LRRC9: variants seen among roughly 807,000 people sequenced by gnomAD.
LRRC9 encodes the protein leucine rich repeat containing 9, also known as leucine-rich repeat-containing protein 9.
Under a neutral mutation model 63.2 loss-of-function variants are expected in LRRC9, and 122 were observed. That is an observed-to-expected ratio of 1.93 (90% CI 1.67 to 2.24). LRRC9 has a LOEUF of 2.24. Ranked by LOEUF, LRRC9 falls within the 30% of genes most tolerant of loss-of-function variation. The pLI, the probability that LRRC9 is intolerant of heterozygous loss-of-function variation, is 0.00. For synonymous variants in LRRC9, 366 were observed against 213.1 expected (o/e 1.72, Z -6.25); for missense variants, 1,071 against 627.7 (o/e 1.71, Z -7.55).
At chr14:60,038,484 C>A (rs919145598) in intron 29 of LRRC9, among the ~76,000 whole-genome samples, 7 of 152,132 alleles carry the variant, frequency 4.6e-5, no homozygotes, top group Non-Finnish European at 1.0e-4. Flanking sequence ...GCCTTCACAT[C>A]CCTTGTAAGT....
intron 8 of LRRC9, among the ~76,000 whole-genome samples, chr14:59,957,123 G>A (rs1237862332): frequency 6.6e-6 from 1 of 152,126 alleles, no homozygotes; most frequent in Non-Finnish European, 1.5e-5. Context: ...CTCTTCTCGA[G>A]GAGTATCTTA....
At chr14:59,968,964 T>A (rs904867902) in intron 12 of LRRC9, among the ~76,000 whole-genome samples, 10 of 106,756 alleles carry the variant, frequency 9.4e-5, no homozygotes, top group Non-Finnish European at 1.6e-4. Context: ...TTTTAAAGAC[T>A]GAGTATGGAA....
Position 59,927,942 on chromosome 14 carries a change from A to G in LRRC9, c.-2A>G. On this transcript the variant is annotated 5_prime_UTR_variant, in exon 2 of 32. Coordinates refer to ENST00000445360, the Ensembl canonical transcript of LRRC9. This position sits in a 1 kb window ranked among gnomAD's most constrained non-coding sequence, Gnocchi z 4.4. ...TATTATGATCACTGTTTTTAATGGAAGATGATTGAAAGTGAAAACCTAAAC... is the reference window on the plus strand; with the variant it reads ...TATTATGATCACTGTTTTTAATGGAGGATGATTGAAAGTGAAAACCTAAAC... 1 of 678,338 alleles carries G rather than the reference A, an allele frequency of 1.5e-6. No individual in the cohort carries two copies. Among genetic ancestry groups the G allele is most frequent in the Non-Finnish European group, 2.7e-6 (1 of 375,492 alleles). The allele number at this position is 678,338 out of a possible 1,614,324, so 42.0% of individuals were successfully genotyped here.
At chr14:60,022,815 T>C (rs889922216) in exon 27 of LRRC9, 4 of 687,244 alleles carry the variant, frequency 5.8e-6, no homozygotes, top group African/African-American at 3.5e-5. Flanking sequence ...GAATTTGTAA[T>C]TTGATCCAGC....
At chr14:59,959,180 C>G (rs1594875286) in intron 8 of LRRC9, among the ~76,000 whole-genome samples, 1 of 152,076 alleles carries the variant, frequency 6.6e-6, no homozygotes, top group East Asian at 1.9e-4. Context: ...CTTAAGTAAT[C>G]AAGATAAATA....
chr14:60,008,023 G>T, intron 22 of LRRC9, 69 bp from the exon 23 acceptor site: 1 of 489,842 alleles, frequency 2.0e-6, no homozygotes, highest in South Asian at 3.6e-5. Flanking sequence ...TAAAATTTGA[G>T]GATGGCTAAC....
At chr14:60,026,854 C>G (rs1891595164) in intron 27 of LRRC9, among the ~76,000 whole-genome samples, 1 of 152,012 alleles carries the variant, frequency 6.6e-6, no homozygotes, top group South Asian at 2.1e-4. Flanking sequence ...TTCCCTTGGT[C>G]TATGTGTCTG....
intron 14 of LRRC9, 50 bp from the exon 15 acceptor site, chr14:59,977,967 T>C (rs1180780052): frequency 1.5e-6 from 1 of 670,194 alleles, no homozygotes; most frequent in Non-Finnish European, 2.7e-6. Flanking sequence ...AAAAGTATGT[T>C]TCAATTTGAG....
At chr14:60,021,137 A>G (rs913201113) in intron 26 of LRRC9, among the ~76,000 whole-genome samples, 1 of 151,964 alleles carries the variant, frequency 6.6e-6, no homozygotes, top group Non-Finnish European at 1.5e-5. Context: ...TAATTCCTGC[A>G]CATCTTTGCC....
At chr14:59,996,678 A>G (rs544611364) in intron 17 of LRRC9, among the ~76,000 whole-genome samples, 4 of 152,230 alleles carry the variant, frequency 2.6e-5, no homozygotes, top group Non-Finnish European at 1.5e-5. Flanking sequence ...AGGCAGGTGG[A>G]TCAGTGAGTA....
chr14:59,961,906 C>T (rs917894606), intron 10 of LRRC9, among the ~76,000 whole-genome samples: 2 of 152,174 alleles, frequency 1.3e-5, no homozygotes, highest in African/African-American at 4.8e-5. Context: ...CATGGAAATA[C>T]ACCAGGAGAC....
In LRRC9 at chr14:60,042,847, T is replaced by C. The variant is rs1249945368; in HGVS notation, c.3991-10218T>C. Among the ~76,000 whole-genome samples, 1 of 152,236 alleles carries C rather than the reference T, an allele frequency of 6.6e-6. No individual in the cohort carries two copies. Among genetic ancestry groups the C allele is most frequent in the African/African-American group, 2.4e-5 (1 of 41,466 alleles). ...GTCGCTCACACTGGGAGCTGTAGAC[T>C]GGAGCTGTTCCTATTAGGCCATCTT... On this transcript the variant is annotated intron_variant, in intron 29 of 31. Coordinates refer to ENST00000445360, the Ensembl canonical transcript of LRRC9. This position sits in a 1 kb window ranked among gnomAD's most constrained non-coding sequence, Gnocchi z 4.2.
chr14:59,931,773 G>A (rs930347408), intron 5 of LRRC9, 91 bp downstream of exon 5: 2 of 613,830 alleles, frequency 3.3e-6, no homozygotes, highest in African/African-American at 1.9e-5. Flanking sequence ...TTTCTTTTAG[G>A]CTTTTTTCTG....
At chr14:59,977,778 A>C (rs913847500) in intron 14 of LRRC9, among the ~76,000 whole-genome samples, 1 of 152,132 alleles carries the variant, frequency 6.6e-6, no homozygotes, top group Non-Finnish European at 1.5e-5. Flanking sequence ...TTATATAATT[A>C]AAAAGTATTT....
chr14:59,948,291 A>T (rs913045309), intron 8 of LRRC9, among the ~76,000 whole-genome samples: 1 of 136,104 alleles, frequency 7.3e-6, no homozygotes, highest in Non-Finnish European at 1.5e-5. Flanking sequence ...GAGTTCACTC[A>T]TGATTTGGCT....
chr14:59,963,638 G>A (rs1009281528), intron 10 of LRRC9, among the ~76,000 whole-genome samples: 6 of 152,034 alleles, frequency 3.9e-5, no homozygotes, highest in African/African-American at 1.4e-4. Context: ...TGGATTAATA[G>A]CCCAGTACAT....
intron 15 of LRRC9, among the ~76,000 whole-genome samples, chr14:59,979,361 G>C (rs1886663963): frequency 6.6e-6 from 1 of 152,222 alleles, no homozygotes; most frequent in South Asian, 2.1e-4. Context: ...GCTCACGCCT[G>C]TAATCCCAGC....
At chr14:60,021,353 T>C (rs539653786) in intron 26 of LRRC9, among the ~76,000 whole-genome samples, 3 of 152,046 alleles carry the variant, frequency 2.0e-5, no homozygotes, top group African/African-American at 7.2e-5. Flanking sequence ...ATTAGGTTGC[T>C]TGGCTTTTCA....
At chr14:60,010,550 C>T (rs1794365958) in intron 23 of LRRC9, among the ~76,000 whole-genome samples, 1 of 152,202 alleles carries the variant, frequency 6.6e-6, no homozygotes, top group Admixed American at 6.5e-5. Context: ...TTTCCCCATT[C>T]TCTTGGCGAT....
Sources: gnomAD v4.1 joint callset for allele counts (sites outside exome capture counted in the v4.1 genomes callset) on GRCh38, gnomAD v4.1.1 for gene constraint, Gnocchi (gnomAD v3.1) non-coding constraint, MANE v1.5 for transcripts, NCBI Gene and HGNC (gene_info 2026-07-23, HGNC 2026-07-21) for gene names.